Variants in TRMT44 observed in about 807,000 individuals in gnomAD.
TRMT44 encodes the protein probable tRNA (uracil-O(2)-)-methyltransferase.
A neutral mutation model predicts 77.3 loss-of-function variants in TRMT44; 78 were observed. That is an observed-to-expected ratio of 1.01 (90% confidence interval 0.84 to 1.22). The LOEUF (loss-of-function observed/expected upper bound fraction) is 1.22, where lower values mean the gene tolerates loss of function less well. Ranked by LOEUF, TRMT44 falls within the 50% of genes most tolerant of loss-of-function variation. TRMT44 has a pLI of 0.00. For missense variants in TRMT44, 1,090 were observed against 964.4 expected (o/e 1.13, Z -1.73); for synonymous variants, 391 against 383.3 (o/e 1.02, Z -0.23).
intron 9 of TRMT44, among the ~76,000 whole-genome samples, chr4:8,470,724 T>TC (rs141826377): frequency 0.027 from 4,169 of 152,258 alleles, 68 homozygotes; most frequent in South Asian, 0.04. Flanking sequence ...TGGCCTTCCT[T>TC]CTTTAGTCTG....
intron 7 of TRMT44, 33 bp downstream of exon 7, chr4:8,464,124 T>C (rs376771923): frequency 2.1e-5 from 33 of 1,570,358 alleles, no homozygotes; most frequent in Non-Finnish European, 2.8e-5. Context: ...GGTGAATGGC[T>C]GGGGAATGCT....
chr4:8,467,117 C>T (rs905272369), intron 8 of TRMT44, among the ~76,000 whole-genome samples: 10 of 152,204 alleles, frequency 6.6e-5, no homozygotes, highest in African/African-American at 9.7e-5. Context: ...GAGGCAAGCA[C>T]GCATGGAGCA....
At chr4:8,443,035 G>T (rs1415476189) in intron 1 of TRMT44, among the ~76,000 whole-genome samples, 1 of 152,148 alleles carries the variant, frequency 6.6e-6, no homozygotes, top group East Asian at 1.9e-4. Flanking sequence ...CTTTTGGGAG[G>T]CTCTTCTGCC....
intron 6 of TRMT44, among the ~76,000 whole-genome samples, chr4:8,462,148 C>T (rs184674811): frequency 3.9e-4 from 59 of 151,742 alleles, no homozygotes; most frequent in African/African-American, 1.3e-3. Flanking sequence ...TGGTGGCTCA[C>T]GCCTGTAATC....
At chr4:8,453,597 T>G (rs1184357280) in intron 5 of TRMT44, 1 of 152,366 alleles carries the variant, frequency 6.6e-6, no homozygotes, top group Non-Finnish European at 1.5e-5. Flanking sequence ...TTCTGGATGT[T>G]CAGCTGATGC....
At chr4:8,481,161 A>G (rs532969134), downstream of TRMT44, among the ~76,000 whole-genome samples, 16 of 152,350 alleles carry the variant, frequency 1.1e-4, no homozygotes, top group South Asian at 2.1e-4. Flanking sequence ...TTTCCTTTCT[A>G]TCAATCCCAG....
At chr4:8,505,011 C>T in the TRMT44 span, among the ~76,000 whole-genome samples, 1 of 152,182 alleles carries the variant, frequency 6.6e-6, no homozygotes, top group African/African-American at 2.4e-5. Context: ...CCCCCAGCCG[C>T]AGAGGAATGC....
In TRMT44 at chr4:8,452,989, G is replaced by T. The variant is rs948657326; in HGVS notation, c.1131G>T (p.Gly377=). 3.8e-5 allele frequency: 57 copies of T among 1,504,798 alleles called. No homozygotes were observed. The highest frequency in any genetic ancestry group is 1.9e-4 in the Admixed American group (9 of 46,904). The allele number at this position is 1,504,798 out of a possible 1,614,324, so 93.2% of individuals were successfully genotyped here. Residue 377 remains glycine (G), a splice_region_variant and synonymous_variant, in exon 5 of 11, where the codon GGG becomes GGT. Transcript: ENST00000389737. The surrounding 1 kb of genome is among the most constrained non-coding windows in gnomAD (Gnocchi z 5.7). The stretch of plus-strand genomic sequence containing the variant: ...TGGTCCACATCCTGAGCAGTGAGGG[G>T]GTAAGGCCCGGCTCCATCACCTTTT... ...GLLVHILSSE[G]HPGRGIDVRR...
chr4:8,498,326 C>T (rs192461646), downstream of TRMT44, among the ~76,000 whole-genome samples: 44 of 152,238 alleles, frequency 2.9e-4, no homozygotes, highest in Middle Eastern at 6.8e-3. This position sits in a 1 kb window ranked among gnomAD's most constrained non-coding sequence, Gnocchi z 4.3. Flanking sequence ...GGGTGTTCTC[C>T]TGTATTCGTC....
chr4:8,505,516 C>A, the TRMT44 span, among the ~76,000 whole-genome samples: 1 of 152,198 alleles, frequency 6.6e-6, no homozygotes, highest in East Asian at 1.9e-4. Flanking sequence ...GACAGGCAGC[C>A]GGTGTGGGGG....
the TRMT44 span, among the ~76,000 whole-genome samples, chr4:8,499,729 G>A: frequency 6.6e-6 from 1 of 152,178 alleles, no homozygotes; most frequent in African/African-American, 2.4e-5. Context: ...TGGGCAGAAA[G>A]AGGGGGATCA....
the TRMT44 span, among the ~76,000 whole-genome samples, chr4:8,513,403 C>T: frequency 6.6e-6 from 1 of 152,226 alleles, no homozygotes; most frequent in Non-Finnish European, 1.5e-5. Context: ...ATTCAATCAC[C>T]TCCCACTGGG....
chr4:8,516,076 G>C, the TRMT44 span, among the ~76,000 whole-genome samples: 6 of 152,144 alleles, frequency 3.9e-5, no homozygotes, highest in Non-Finnish European at 7.3e-5. Flanking sequence ...AACCGTCCCT[G>C]TAAACTTCAT....
intron 10 of TRMT44, among the ~76,000 whole-genome samples, chr4:8,472,824 T>C (rs893536782): frequency 6.6e-6 from 1 of 152,218 alleles, no homozygotes; most frequent in African/African-American, 2.4e-5. Context: ...TGGAGTCTGC[T>C]CTTCCTTGCA....
chr4:8,441,314 C>T lies in TRMT44; in HGVS notation c.492C>T (p.Leu164=), dbSNP rs3806811. Residue 164 remains leucine (L), a synonymous_variant, in exon 1 of 11, where the codon CTC becomes CTT. Transcript: ENST00000389737. The stretch of plus-strand genomic sequence containing the variant: ...GCAATTCGGAGTTGCTGGCCTTCCT[C>T]ACCAGCTCCGGGGCGGGATCGCAGC... ...ARGNSELLAF[L]TSSGAGSQPE... is the part of the protein sequence containing the mutation. 0.067 allele frequency: 102,797 copies of T among 1,535,506 alleles called. 3,696 individuals carry two copies. The highest frequency in any genetic ancestry group is 0.094 in the Middle Eastern group (562 of 5,988).
At chr4:8,460,115 G>A (rs1474678460) in intron 6 of TRMT44, among the ~76,000 whole-genome samples, 1 of 152,162 alleles carries the variant, frequency 6.6e-6, no homozygotes, top group Non-Finnish European at 1.5e-5. Flanking sequence ...GCTTCTCCTG[G>A]TACTGAGGAC....
intron 10 of TRMT44, 131 bp downstream of exon 10, chr4:8,471,331 C>T (rs1726982002): frequency 1.6e-6 from 1 of 610,492 alleles, no homozygotes; most frequent in Non-Finnish European, 2.7e-6. Context: ...CCGCGGTGCC[C>T]CACCCAGCTC....
At chr4:8,496,375 C>T (rs145728264), downstream of TRMT44, among the ~76,000 whole-genome samples, 44 of 152,328 alleles carry the variant, frequency 2.9e-4, no homozygotes, top group African/African-American at 8.4e-4. Context: ...GTTCTTATCC[C>T]GGCCTGCAGC....
chr4:8,491,433 G>A (rs1010004993), intron 2 of TRMT44, among the ~76,000 whole-genome samples: 3 of 152,242 alleles, frequency 2.0e-5, no homozygotes, highest in Non-Finnish European at 4.4e-5. Flanking sequence ...TTGGGTGGTC[G>A]ATGGGACTGG....
Sources: allele counts gnomAD v4.1 joint callset (sites outside exome capture counted in the v4.1 genomes callset), GRCh38; gene constraint gnomAD v4.1.1; non-coding constraint Gnocchi (gnomAD v3.1); transcripts MANE v1.5; gene names NCBI Gene and HGNC (gene_info 2026-07-23, HGNC 2026-07-21).